The following EVC2 variants were observed in gnomAD, a reference collection of about 807,000 sequenced individuals.
EVC2 encodes the protein EvC ciliary complex subunit 2.
In EVC2, 148 loss-of-function variants were observed where a neutral mutation model predicts 149.3. That is an observed-to-expected ratio of 0.99 (90% CI 0.87 to 1.14). EVC2 has a LOEUF of 1.14. Among genes scored for constraint, EVC2 ranks in the 50% most tolerant of loss-of-function variants. The pLI is 0.00. For missense variants in EVC2, 1,854 were observed against 1,627.3 expected, an observed-to-expected ratio of 1.14 and a Z score of -2.40; for synonymous variants, 776 against 649.9, an observed-to-expected ratio of 1.19 and a Z score of -2.95.
intron 20 of EVC2, among the ~76,000 whole-genome samples, chr4:5,565,902 T>C (rs756739097): frequency 2.0e-5 from 3 of 152,042 alleles, no homozygotes; most frequent in Non-Finnish European, 4.4e-5. Context: ...GGCTGACGGG[T>C]TGGGGGAGTC....
intron 6 of EVC2, among the ~76,000 whole-genome samples, chr4:5,682,470 A>G (rs912080482): frequency 6.6e-6 from 1 of 151,256 alleles, no homozygotes; most frequent in African/African-American, 2.4e-5. Flanking sequence ...AGCCTGGGTG[A>G]CAAGAGTGAA....
At chr4:5,626,167 G>T (rs1716096572) in intron 12 of EVC2, among the ~76,000 whole-genome samples, 1 of 152,082 alleles carries the variant, frequency 6.6e-6, no homozygotes, top group Admixed American at 6.6e-5. Flanking sequence ...CATTCGAGAG[G>T]ACCACTCTGG....
chr4:5,531,492 G>A, the EVC2 span, among the ~76,000 whole-genome samples: 7 of 152,172 alleles, frequency 4.6e-5, no homozygotes, highest in African/African-American at 1.7e-4. Context: ...CTGTGTGAGT[G>A]AGCGAAGTTT....
rs889201127 is a variant in EVC2 at position 5,613,796 on chromosome 4, G to A, written c.2829+1626C>T. ...CCTCTATCTGCCTAATCTTTGTCTTGCTGTTCAATTTCATATAGAACCTGG... is the reference window on the plus strand; with the variant it reads ...CCTCTATCTGCCTAATCTTTGTCTTACTGTTCAATTTCATATAGAACCTGG... On this transcript the variant is annotated intron_variant, in intron 16 of 21. Transcript: ENST00000344408. This position sits in a 1 kb window ranked among gnomAD's most constrained non-coding sequence, Gnocchi z 4.6. 6.6e-6 allele frequency among the ~76,000 whole-genome samples: 1 copy of A among 152,076 alleles called. No individual in the cohort carries two copies. The highest frequency in any genetic ancestry group is 1.5e-5 in the Non-Finnish European group (1 of 68,014).
chr4:5,664,205 C>T (rs1719103062), intron 8 of EVC2, among the ~76,000 whole-genome samples: 2 of 152,154 alleles, frequency 1.3e-5, no homozygotes, highest in South Asian at 2.1e-4. Flanking sequence ...AGTGAAATAA[C>T]GTTATTGAAG....
intron 16 of EVC2, among the ~76,000 whole-genome samples, chr4:5,593,653 G>C (rs1210185235): frequency 6.6e-6 from 1 of 152,160 alleles, no homozygotes; most frequent in Non-Finnish European, 1.5e-5. Context: ...GCACAAGATG[G>C]GTGATTTCTG....
At chr4:5,681,722 T>G (rs1720357773) in intron 6 of EVC2, among the ~76,000 whole-genome samples, 1 of 149,178 alleles carries the variant, frequency 6.7e-6, no homozygotes, top group African/African-American at 2.4e-5. Context: ...TCAAACGCAC[T>G]TGATTCTCCA....
rs1718578902 is a variant in EVC2, at chr4:5,657,182, T to C, written c.1145+5925A>G. On this transcript the variant is annotated intron_variant, in intron 9 of 21. Transcript: ENST00000344408. This position sits in a 1 kb window ranked among gnomAD's most constrained non-coding sequence, Gnocchi z 4.7. ...CTCCATGTTGCTCAGCAAGTCTGGG[T>C]TTCTCTAGTAAGCCACTTCCCCGTG... Among the ~76,000 whole-genome samples, 3 of 152,008 alleles carry C rather than the reference T, an allele frequency of 2.0e-5. No individual in the cohort carries two copies. The South Asian group carries it at 6.2e-4, about 32-fold the overall frequency.
At chr4:5,665,268 C>G (rs1175561003) in intron 8 of EVC2, among the ~76,000 whole-genome samples, 3 of 152,074 alleles carry the variant, frequency 2.0e-5, no homozygotes, top group African/African-American at 7.2e-5. Flanking sequence ...TGTGATTGTG[C>G]CTAGGAATCG....
chr4:5,555,097 G>T (rs137914968), intron 21 of EVC2, among the ~76,000 whole-genome samples: 1,950 of 151,746 alleles, frequency 0.013, 21 homozygotes, highest in Middle Eastern at 0.031. Context: ...CATAGTAGAA[G>T]GTCAATATAT....
chr4:5,668,204 T>C (rs919570439), intron 7 of EVC2, among the ~76,000 whole-genome samples: 12 of 152,186 alleles, frequency 7.9e-5, no homozygotes, highest in African/African-American at 1.9e-4. Context: ...ACAGTGCAGA[T>C]TGTAGTCAAG....
At chr4:5,645,206 T>C (rs1717621255) in intron 9 of EVC2, among the ~76,000 whole-genome samples, 1 of 152,050 alleles carries the variant, frequency 6.6e-6, no homozygotes. Context: ...CCCTGCATTA[T>C]ATTTCCCATC....
rs545963770 is a variant in EVC2 at position 5,659,517 on chromosome 4, G to T, written c.1145+3590C>A. On this transcript the variant is annotated intron_variant, in intron 9 of 21. Transcript: ENST00000344408. ...GTTGGGACGGGAGGGAGGATGGGAG[G>T]CTGGGGGAGAGGAAGAGAGGAATGA... Among the ~76,000 whole-genome samples the T allele has an allele frequency of 1.8e-4, 28 of 152,260 alleles. No homozygotes were observed. In the East Asian group the frequency reaches 5.2e-3, roughly 28 times the overall value.
chr4:5,537,339 A>G, the EVC2 span, among the ~76,000 whole-genome samples: 1 of 152,210 alleles, frequency 6.6e-6, no homozygotes. Flanking sequence ...ATGCATTGAG[A>G]AAATTCCTTG....
chr4:5,682,965 G>A (rs1422440916), intron 6 of EVC2, among the ~76,000 whole-genome samples: 1 of 151,790 alleles, frequency 6.6e-6, no homozygotes, highest in African/African-American at 2.4e-5. Context: ...GCATTTTTCT[G>A]TAACCTGAGC....
chr4:5,646,022 C>G (rs551735193), intron 9 of EVC2, among the ~76,000 whole-genome samples: 1 of 152,120 alleles, frequency 6.6e-6, no homozygotes, highest in South Asian at 2.1e-4. Flanking sequence ...CTCCACCTCC[C>G]GGGTTCAAGT....
At position 5,576,433 on chromosome 4, in the gene EVC2, T is replaced by G; in HGVS notation, c.3079A>C (p.Lys1027Gln). 6.2e-7 allele frequency: 1 copy of G among 1,606,020 alleles called. No homozygotes were observed. The highest frequency in any genetic ancestry group is 8.5e-7 in the Non-Finnish European group (1 of 1,176,070). Residue 1027 changes from lysine to glutamine, a missense_variant, in exon 18 of 22, where the codon AAG (lysine) becomes CAG (glutamine). Coordinates refer to ENST00000344408, the MANE Select transcript of EVC2 (RefSeq NM_147127.5). The surrounding 1 kb of genome is among the most constrained non-coding windows in gnomAD (Gnocchi z 4.5). ...TGCTGCACCAGCTGGTCCTCCAGCT[T>G]CCTCTCCAACTCCTGGAGCTCCTAC... Reference protein sequence around the residue: ...HSRELQELERKLEDQLVQQEA... With the variant: ...HSRELQELERQLEDQLVQQEA...
chr4:5,531,664 T>C, the EVC2 span, among the ~76,000 whole-genome samples: 1 of 152,088 alleles, frequency 6.6e-6, no homozygotes, highest in South Asian at 2.1e-4. Context: ...GAAAATCCAA[T>C]GCCTGATGAT....
chr4:5,604,225 C>T (rs1023504323), intron 16 of EVC2, among the ~76,000 whole-genome samples: 1 of 152,178 alleles, frequency 6.6e-6, no homozygotes, highest in Middle Eastern at 3.2e-3. Flanking sequence ...TCACTTAAGG[C>T]TCACATATAC....
Sources: gnomAD v4.1 joint callset for allele counts (sites outside exome capture counted in the v4.1 genomes callset) on GRCh38, gnomAD v4.1.1 for gene constraint, Gnocchi (gnomAD v3.1) non-coding constraint, MANE v1.5 for transcripts, NCBI Gene and HGNC (gene_info 2026-07-23, HGNC 2026-07-21) for gene names.